ADGRA3: variants seen among roughly 807,000 people sequenced by gnomAD.
ADGRA3 encodes adhesion G protein-coupled receptor A3.
Under a neutral mutation model 119.8 loss-of-function variants are expected in ADGRA3, and 56 were observed. The ratio of observed to expected loss-of-function variants is 0.47; its 90% CI spans 0.38 to 0.58. The LOEUF is 0.58. Ranked by LOEUF, ADGRA3 falls within the 20% of genes least tolerant of loss-of-function variation. The probability of loss-of-function intolerance (pLI) is 0.00; values close to 1 mark genes in which losing one functional copy is unlikely to be tolerated. For synonymous variants in ADGRA3, 607 were observed against 623.8 expected (o/e 0.97, Z 0.40); for missense variants, 1,516 against 1,649.0 (o/e 0.92, Z 1.40).
chr4:22,409,833 G>A (rs558733180), intron 14 of ADGRA3, among the ~76,000 whole-genome samples: 1 of 152,098 alleles, frequency 6.6e-6, no homozygotes, highest in Non-Finnish European at 1.5e-5. Flanking sequence ...CCATAAACAC[G>A]AGGGTCTCCT....
chr4:22,469,734 T>TGG (rs1273613302), intron 2 of ADGRA3, among the ~76,000 whole-genome samples: 4 of 152,212 alleles, frequency 2.6e-5, no homozygotes, highest in Non-Finnish European at 1.5e-5. Flanking sequence ...TCTAGGGCAC[T>TGG]GGTCTCTAAA....
chr4:22,489,097 A>T (rs1486947275), intron 1 of ADGRA3, among the ~76,000 whole-genome samples: 1 of 152,210 alleles, frequency 6.6e-6, no homozygotes, highest in Non-Finnish European at 1.5e-5. Flanking sequence ...TCACAGTTCC[A>T]CATGGCTGGG....
At chr4:22,400,694 T>C (rs192930360) in intron 16 of ADGRA3, among the ~76,000 whole-genome samples, 2 of 152,118 alleles carry the variant, frequency 1.3e-5, no homozygotes, top group African/African-American at 2.4e-5. Context: ...TGTTATATAT[T>C]TTTTTAATTA....
intron 2 of ADGRA3, among the ~76,000 whole-genome samples, chr4:22,464,993 C>T (rs1003545553): frequency 2.0e-5 from 3 of 152,114 alleles, no homozygotes; most frequent in Non-Finnish European, 4.4e-5. Context: ...GTGAACCAGC[C>T]GGTACCCAGG....
chr4:22,409,243 C>G (rs1335377991), intron 14 of ADGRA3, among the ~76,000 whole-genome samples: 1 of 152,152 alleles, frequency 6.6e-6, no homozygotes, highest in African/African-American at 2.4e-5. Flanking sequence ...CTTTGATTAT[C>G]AATTCCACTT....
chr4:22,420,582 A>G (rs1715617467), intron 12 of ADGRA3: 3 of 444,988 alleles, frequency 6.7e-6, no homozygotes, highest in Admixed American at 4.0e-5. Context: ...TAAACTTTTA[A>G]GTCAAATAAG....
At chr4:22,431,192 G>C (rs891868642) in intron 10 of ADGRA3, among the ~76,000 whole-genome samples, 12 of 152,146 alleles carry the variant, frequency 7.9e-5, no homozygotes, top group African/African-American at 2.7e-4. Context: ...CCAACTAGTG[G>C]AGCTGTGAGA....
At chr4:22,452,504 TTA>T (rs1435485849) in intron 4 of ADGRA3, among the ~76,000 whole-genome samples, 1 of 152,236 alleles carries the variant, frequency 6.6e-6, no homozygotes, top group Non-Finnish European at 1.5e-5. Context: ...AATATTATTT[TTA>T]TGTTTTCATG....
chr4:22,418,960 C>T lies in ADGRA3; in HGVS notation c.1809+1926G>A, dbSNP rs188282653. On this transcript the variant is annotated intron_variant, in intron 12 of 18. Transcript: ENST00000334304. ...ATTTCAATATTTTACTAAGTGGCAT[C>T]GTTGTAGTGATACATGTTAGCTGAA... is the stretch of plus-strand genomic sequence containing the variant. Among the ~76,000 whole-genome samples, 243 of 152,184 alleles carry T rather than the reference C, an allele frequency of 1.6e-3. 1 individual carries two copies. Among genetic ancestry groups the T allele is most frequent in the South Asian group, 7.5e-3 (36 of 4,800 alleles).
intron 1 of ADGRA3, among the ~76,000 whole-genome samples, chr4:22,481,460 A>C (rs1718258984): frequency 6.6e-6 from 1 of 152,188 alleles, no homozygotes. Flanking sequence ...TAAATTTTTA[A>C]ATGCATGAAA....
chr4:22,422,185 A>G (rs1315509438), intron 11 of ADGRA3, among the ~76,000 whole-genome samples: 1 of 152,138 alleles, frequency 6.6e-6, no homozygotes, highest in African/African-American at 2.4e-5. Context: ...CCCTCCTTTA[A>G]GGATGATTAA....
At chr4:22,395,693 G>A (rs773983865) in intron 16 of ADGRA3, among the ~76,000 whole-genome samples, 10 of 152,232 alleles carry the variant, frequency 6.6e-5, no homozygotes, top group Middle Eastern at 3.4e-3. Context: ...GGAATCAAAC[G>A]GACTAGCATT....
chr4:22,485,151 G>A (rs756674091), intron 1 of ADGRA3, among the ~76,000 whole-genome samples: 5 of 152,020 alleles, frequency 3.3e-5, no homozygotes, highest in East Asian at 3.9e-4. Flanking sequence ...GTGCCATCTC[G>A]GCTCACTGAA....
intron 1 of ADGRA3, among the ~76,000 whole-genome samples, chr4:22,502,893 GAAAAAA>G (rs71182944): frequency 1.7e-5 from 2 of 120,098 alleles, no homozygotes; most frequent in Non-Finnish European, 3.4e-5. Flanking sequence ...CTACTTAAGG[GAAAAAA>G]AAAAAAAAAA....
intron 10 of ADGRA3, among the ~76,000 whole-genome samples, chr4:22,424,699 CTGTT>C (rs1266762862): frequency 2.0e-5 from 3 of 152,216 alleles, no homozygotes; most frequent in African/African-American, 7.2e-5. Flanking sequence ...AAGATCTTGA[CTGTT>C]CATCTAGAAA....
At chr4:22,460,963 A>G (rs574433221) in intron 3 of ADGRA3, among the ~76,000 whole-genome samples, 2 of 152,242 alleles carry the variant, frequency 1.3e-5, no homozygotes, top group Non-Finnish European at 2.9e-5. Context: ...CTGCTCAGAC[A>G]GCAACTGTGA....
At chr4:22,407,025 A>T (rs1714965659) in intron 14 of ADGRA3, among the ~76,000 whole-genome samples, 1 of 152,228 alleles carries the variant, frequency 6.6e-6, no homozygotes, top group African/African-American at 2.4e-5. Context: ...TAATCCCAGC[A>T]CTTTGGGAGG....
chr4:22,405,123 T>C (rs1425764970), intron 14 of ADGRA3, among the ~76,000 whole-genome samples: 2 of 152,118 alleles, frequency 1.3e-5, no homozygotes, highest in Non-Finnish European at 1.5e-5. Context: ...TAAAAGTGCA[T>C]CCCATAGCCC....
At chr4:22,486,856 T>A (rs1027757056) in intron 1 of ADGRA3, among the ~76,000 whole-genome samples, 2 of 152,190 alleles carry the variant, frequency 1.3e-5, no homozygotes, top group African/African-American at 4.8e-5. Context: ...CTGTATATCA[T>A]CCCAGGCCTT....
Sources: allele counts gnomAD v4.1 joint callset (sites outside exome capture counted in the v4.1 genomes callset), GRCh38; gene constraint gnomAD v4.1.1; transcripts MANE v1.5; gene names NCBI Gene and HGNC (gene_info 2026-07-23, HGNC 2026-07-21).